Variants in IFFO1 observed in about 807,000 individuals in gnomAD.
The protein encoded by IFFO1 is non-homologous end joining factor IFFO1.
In IFFO1, 42 loss-of-function variants were observed where a neutral mutation model predicts 59.6. The observed-to-expected ratio is 0.70, with a 90% CI of 0.55 to 0.91. The LOEUF is 0.91. Ranked by LOEUF, IFFO1 falls within the 40% of genes least tolerant of loss-of-function variation. The pLI is 0.00. For synonymous variants in IFFO1, 336 were observed against 342.8 expected (o/e 0.98, Z 0.22); for missense variants, 711 against 793.2 (o/e 0.90, Z 1.24).
intron 8 of IFFO1, chr12:6,544,613 G>A (rs904761164): frequency 6.6e-6 from 1 of 152,218 alleles, no homozygotes; most frequent in African/African-American, 2.4e-5. Context: ...GCCGCACAAA[G>A]GCCCCTAGTT....
At position 6,549,410 on chromosome 12, in the gene IFFO1, A is replaced by G; in HGVS notation, c.1080+66T>C. The G allele has an allele frequency of 6.3e-7, 1 of 1,592,872 alleles. No individual in the cohort carries two copies. Among genetic ancestry groups the G allele is most frequent in the Non-Finnish European group, 8.6e-7 (1 of 1,161,938 alleles). On this transcript the variant is annotated intron_variant, in intron 5 of 9. Coordinates refer to ENST00000619571, the MANE Select transcript of IFFO1 (RefSeq NM_001193457.2). This position sits in a 1 kb window ranked among gnomAD's most constrained non-coding sequence, Gnocchi z 5.0. ...GCCCAGCGGGCCCAAACTGAGGGCC[A>G]GGAGGCCTAGGCAGCTTAGAAACTG...
Position 6,541,737 on chromosome 12 carries a change from G to A in IFFO1, c.1480-95C>T. ...GGAGGCCAACACGCCAAGAGCAGTG[G>A]CTGGGCCGGGGGCCCAGGCAGCCAT... On this transcript the variant is annotated intron_variant, in intron 8 of 9. Coordinates refer to ENST00000619571, the MANE Select transcript of IFFO1 (RefSeq NM_001193457.2). This position sits in a 1 kb window ranked among gnomAD's most constrained non-coding sequence, Gnocchi z 4.8. The A allele has an allele frequency of 2.7e-6, 4 of 1,499,394 alleles. No homozygotes were observed. Among genetic ancestry groups the A allele is most frequent in the Non-Finnish European group, 3.7e-6 (4 of 1,094,206 alleles). The allele number at this position is 1,499,394 out of a possible 1,614,324, so 92.9% of individuals were successfully genotyped here.
Position 6,555,860 on chromosome 12 carries a change from C to A in IFFO1, c.170G>T (p.Gly57Val), listed in dbSNP as rs546472768. 124 of 1,606,542 alleles carry A rather than the reference C, an allele frequency of 7.7e-5. 1 individual carries two copies. In the South Asian group the frequency reaches 1.2e-3, roughly 16 times the overall value. Reference protein sequence around the residue: ...GPAAYSPPGPGPAPPAAMALR... With the variant: ...GPAAYSPPGPVPAPPAAMALR... Reference sequence around the variant, plus strand: ...GGCCATGGCGGCAGGCGGGGCCGGGCCCGGCCCGGGCGGCGAGTAGGCAGC... The same window carrying A: ...GGCCATGGCGGCAGGCGGGGCCGGGACCGGCCCGGGCGGCGAGTAGGCAGC... Residue 57 changes from glycine to valine, a missense_variant, in exon 1 of 10, where the codon GGC (glycine) becomes GTC (valine). Physicochemically the swap from Gly to Val is moderately radical, Grantham distance 109 (BLOSUM62 -3). Transcript: ENST00000619571. The surrounding 1 kb of genome is among the most constrained non-coding windows in gnomAD (Gnocchi z 8.6).
chr12:6,551,011 A>C lies in IFFO1; in HGVS notation c.774-10T>G, dbSNP rs777722429. 6.2e-7 allele frequency: 1 copy of C among 1,613,662 alleles called. No homozygotes were observed. ...GTACTCCTCTTCCCACCTGACAGAC[A>C]TGGGAAGGGCGGAGAGAGCTTAGGT... On this transcript the variant is annotated splice_polypyrimidine_tract_variant and intron_variant, in intron 1 of 9. Coordinates refer to ENST00000619571, the MANE Select transcript of IFFO1 (RefSeq NM_001193457.2).
chr12:6,551,822 G>A, intron 1 of IFFO1: 2 of 299,686 alleles, frequency 6.7e-6, no homozygotes, highest in South Asian at 3.0e-5. Flanking sequence ...ACTGCAAGTG[G>A]GCCGGACGAC....
At chr12:6,544,900 C>A (rs533566395) in intron 8 of IFFO1, 1 of 152,226 alleles carries the variant, frequency 6.6e-6, no homozygotes, top group Non-Finnish European at 1.5e-5. Context: ...TTCTCAAACA[C>A]CTCCAATGTG....
chr12:6,542,852 G>C (rs939362294), intron 8 of IFFO1, among the ~76,000 whole-genome samples: 4 of 152,206 alleles, frequency 2.6e-5, no homozygotes, highest in African/African-American at 9.7e-5. Context: ...CAGGGAGCTG[G>C]GTTCTGGAAC....
chr12:6,551,386 C>T, intron 1 of IFFO1: 1 of 1,303,642 alleles, frequency 7.7e-7, no homozygotes, highest in South Asian at 1.2e-5. Context: ...TCCACCCGGC[C>T]CAGTCTCCCA....
At position 6,555,919 on chromosome 12, in the gene IFFO1, G is replaced by C. The variant is rs530486627; in HGVS notation, c.111C>G (p.Asp37Glu). 2 of 1,553,008 alleles carry C rather than the reference G, an allele frequency of 1.3e-6. No homozygotes were observed. The highest frequency in any genetic ancestry group is 4.7e-5 in the East Asian group (2 of 42,248). Residue 37 changes from aspartate (D) to glutamate (E), a missense_variant, in exon 1 of 10, where the codon GAC becomes GAG. Around this residue, in one of 3 missense-constraint regions of IFFO1, gnomAD observed 114 missense variants for 102.4 expected, o/e 1.11. Transcript: ENST00000619571. The surrounding 1 kb of genome is among the most constrained non-coding windows in gnomAD (Gnocchi z 8.6). ...CCGGCGAGAGAGGCGCCGGGGGCAA[G>C]TCTCCTCCCCCGGCGAAGTGGTCGC... ...LGGDHFAGGG[D>E]LPPAPLSPAG...
intron 1 of IFFO1, chr12:6,551,386 C>G (rs922411178): frequency 7.7e-7 from 1 of 1,303,642 alleles, no homozygotes; most frequent in Middle Eastern, 2.3e-4. Context: ...TCCACCCGGC[C>G]CAGTCTCCCA....
chr12:6,548,119 C>T lies in IFFO1; in HGVS notation c.1425G>A (p.Glu475=). The change falls in exon 8 of 10, where the codon GAG becomes GAA. Residue 475 remains glutamate, a synonymous_variant. Coordinates refer to ENST00000619571, the MANE Select transcript of IFFO1 (RefSeq NM_001193457.2). The surrounding 1 kb of genome is among the most constrained non-coding windows in gnomAD (Gnocchi z 6.1). ...CCTTCTCCCGGGTTTTGAACAGGGA[C>T]TCCGTATCTTTAATCACCTTCTCCA... ...DSLEKVIKDT[E]SLFKTREKEY... 1 of 1,614,108 alleles carries T rather than the reference C, an allele frequency of 6.2e-7. No individual in the cohort carries two copies. The highest frequency in any genetic ancestry group is 1.1e-5 in the South Asian group (1 of 91,086).
In IFFO1 at chr12:6,548,194, A is replaced by G. The variant is rs765333268; in HGVS notation, c.1384-34T>C. 1 of 1,561,842 alleles carries G rather than the reference A, an allele frequency of 6.4e-7. No homozygotes were observed. Among genetic ancestry groups the G allele is most frequent in the South Asian group, 1.1e-5 (1 of 90,082 alleles). On this transcript the variant is annotated intron_variant, in intron 7 of 9. Transcript: ENST00000619571. This position sits in a 1 kb window ranked among gnomAD's most constrained non-coding sequence, Gnocchi z 6.1. ...GAAAGGGAAGCGGGGGAGGCCAGCC[A>G]AGGAGGGATGGGATGGGACGCATTC...
Position 6,540,164 on chromosome 12 carries a change from C to T in IFFO1, c.*319G>A, listed in dbSNP as rs1323525585. ...AGGTCCCACATTCACATTCCTGATACGTGGACAAGGTGAGGGGCCGCAATC... is the reference window on the plus strand; with the variant it reads ...AGGTCCCACATTCACATTCCTGATATGTGGACAAGGTGAGGGGCCGCAATC... On this transcript the variant is annotated 3_prime_UTR_variant, in exon 10 of 10. Coordinates refer to ENST00000619571, the MANE Select transcript of IFFO1 (RefSeq NM_001193457.2). The T allele has an allele frequency of 6.7e-6, 3 of 450,622 alleles. No individual in the cohort carries two copies. The highest frequency in any genetic ancestry group is 4.5e-5 in the East Asian group (1 of 22,140). 27.9% of individuals were successfully genotyped at this position (450,622 alleles called of 1,614,324 possible). A position where few individuals can be genotyped will look rare whatever the true frequency, so the allele number is the denominator to read the frequency against.
chr12:6,541,426 T>C lies in IFFO1; in HGVS notation c.1610+86A>G, dbSNP rs781292444. 1.1e-4 allele frequency: 163 copies of C among 1,539,382 alleles called. 1 individual carries two copies. Among genetic ancestry groups the C allele is most frequent in the Admixed American group, 5.7e-4 (33 of 58,344 alleles). ...CCCACAGCAAGATGTGACCCAGTCA[T>C]TGCCTGAGGGTCTCTGGGGCTGTGT... On this transcript the variant is annotated intron_variant, in intron 9 of 9. Coordinates refer to ENST00000619571, the MANE Select transcript of IFFO1 (RefSeq NM_001193457.2). This position sits in a 1 kb window ranked among gnomAD's most constrained non-coding sequence, Gnocchi z 4.8.
Position 6,548,638 on chromosome 12 carries a change from G to A in IFFO1, c.1262+30C>T. On this transcript the variant is annotated intron_variant, in intron 6 of 9. Transcript: ENST00000619571. The surrounding 1 kb of genome is among the most constrained non-coding windows in gnomAD (Gnocchi z 6.1). ...GGCCTCCTGGGCTGCTGTGGCGTCG[G>A]TGCTGCGGGAGCACGGCCTGCGGAC... 1 of 1,613,946 alleles carries A rather than the reference G, an allele frequency of 6.2e-7. No homozygotes were observed. The highest frequency in any genetic ancestry group is 8.5e-7 in the Non-Finnish European group (1 of 1,179,900).
intron 8 of IFFO1, chr12:6,544,695 C>CAGG (rs1377224243): frequency 1.3e-5 from 2 of 152,178 alleles, no homozygotes; most frequent in African/African-American, 4.8e-5. Flanking sequence ...TCAGGTCAGG[C>CAGG]AGGAGGAGGA....
chr12:6,550,598 C>A, intron 3 of IFFO1, 97 bp downstream of exon 3: 1 of 823,490 alleles, frequency 1.2e-6, no homozygotes. Flanking sequence ...GGGGAGGAGC[C>A]GTGGACGGGA....
rs1006347176 is a variant in IFFO1, at chr12:6,541,318, T to C, written c.1610+194A>G. Among the ~76,000 whole-genome samples the C allele has an allele frequency of 1.1e-4, 16 of 152,272 alleles. No individual in the cohort carries two copies. The highest frequency in any genetic ancestry group is 1.9e-4 in the Non-Finnish European group (13 of 68,008). Reference sequence around the variant, plus strand: ...TTGGGAGGTTTCAGCCCTCCCGTCATGAATGGACATAGCTCATCCAACTGC... The same window carrying C: ...TTGGGAGGTTTCAGCCCTCCCGTCACGAATGGACATAGCTCATCCAACTGC... On this transcript the variant is annotated intron_variant, in intron 9 of 9. Transcript: ENST00000619571. The surrounding 1 kb of genome is among the most constrained non-coding windows in gnomAD (Gnocchi z 4.8).
chr12:6,548,715 G>T lies in IFFO1; in HGVS notation c.1215C>A (p.Ser405Arg). Residue 405 changes from serine (S) to arginine (R), a missense_variant, in exon 6 of 10, where the codon AGC becomes AGA. Around this residue, in one of 3 missense-constraint regions of IFFO1, gnomAD observed 579 missense variants for 650.3 expected, o/e 0.89. Transcript: ENST00000619571. The surrounding 1 kb of genome is among the most constrained non-coding windows in gnomAD (Gnocchi z 6.1). Reference sequence around the variant, plus strand: ...TCTCCTCGTTGATGCTGAGGGCTGTGCTCTCCTCCTCATCCCCATCGGGCT... The same window carrying T: ...TCTCCTCGTTGATGCTGAGGGCTGTTCTCTCCTCCTCATCCCCATCGGGCT... ...PRQPDGDEEE[S>R]TALSINEEMQ... is the part of the protein sequence containing the mutation. 1 of 1,614,100 alleles carries T rather than the reference G, an allele frequency of 6.2e-7. No homozygotes were observed. The highest frequency in any genetic ancestry group is 8.5e-7 in the Non-Finnish European group (1 of 1,180,024).
Sources: gnomAD v4.1 joint callset for allele counts (sites outside exome capture counted in the v4.1 genomes callset) on GRCh38, gnomAD v4.1.1 for gene constraint, gnomAD v4.1.1 regional missense constraint, Gnocchi (gnomAD v3.1) non-coding constraint, MANE v1.5 for transcripts, NCBI Gene and HGNC (gene_info 2026-07-23, HGNC 2026-07-21) for gene names.